The following CLVS1 variants were observed in gnomAD, a reference collection of about 807,000 sequenced individuals.
CLVS1 encodes the protein clavesin 1.
Under a neutral mutation model 33.1 loss-of-function variants are expected in CLVS1, and 10 were observed. The ratio of observed to expected loss-of-function variants is 0.30; its 90% confidence interval spans 0.19 to 0.51. The LOEUF (loss-of-function observed/expected upper bound fraction) is 0.51, where lower values mean the gene tolerates loss of function less well. Among genes scored for constraint, CLVS1 ranks in the 20% least tolerant of loss-of-function variants. The pLI is 0.97. For synonymous variants in CLVS1, 163 were observed against 166.1 expected (o/e 0.98, Z 0.14); for missense variants, 343 against 433.4 (o/e 0.79, Z 1.85).
the CLVS1 span, among the ~76,000 whole-genome samples, chr8:61,007,921 G>A: frequency 3.3e-5 from 5 of 152,194 alleles, no homozygotes; most frequent in African/African-American, 1.2e-4. Flanking sequence ...GGGCTTTGTG[G>A]AGGAAGCAGG....
At chr8:61,282,663 T>C (rs941577086) in intron 2 of CLVS1, among the ~76,000 whole-genome samples, 2 of 152,232 alleles carry the variant, frequency 1.3e-5, no homozygotes, top group Admixed American at 6.5e-5. Flanking sequence ...GCCATATTGC[T>C]TGAAAAGTTC....
chr8:61,386,266 C>T (rs1814079763), intron 3 of CLVS1, among the ~76,000 whole-genome samples: 1 of 152,196 alleles, frequency 6.6e-6, no homozygotes, highest in Admixed American at 6.5e-5. Context: ...GCATTTTCAA[C>T]AAATTCCCAG....
At chr8:61,144,556 CT>C (rs1173796189) in intron 2 of CLVS1, among the ~76,000 whole-genome samples, 1 of 151,924 alleles carries the variant, frequency 6.6e-6, no homozygotes, top group Non-Finnish European at 1.5e-5. Flanking sequence ...ATGTATAATC[CT>C]TTGGGTATAT....
chr8:60,994,441 C>G, the CLVS1 span, among the ~76,000 whole-genome samples: 1 of 152,188 alleles, frequency 6.6e-6, no homozygotes, highest in Admixed American at 6.5e-5. Context: ...ATTTGGTAAA[C>G]AGCAGTTAAA....
At chr8:61,270,990 A>C in intron 2 of CLVS1, among the ~76,000 whole-genome samples, 1 of 150,364 alleles carries the variant, frequency 6.7e-6, no homozygotes, top group Non-Finnish European at 1.5e-5. Flanking sequence ...AATTTTTTGA[A>C]GGGTTTTTTG....
intron 3 of CLVS1, among the ~76,000 whole-genome samples, chr8:61,386,610 CAGTCTAGTGTTCATGATATA>C (rs1486928714): frequency 6.4e-4 from 97 of 152,250 alleles, no homozygotes; most frequent in African/African-American, 7.9e-4. Context: ...GCTCAGGAGG[CAGTCTAGTGTTCATGATATA>C]AGTCTAGTGT....
intron 2 of CLVS1, among the ~76,000 whole-genome samples, chr8:61,245,427 T>G (rs1808785741): frequency 6.6e-6 from 1 of 152,130 alleles, no homozygotes; most frequent in Non-Finnish European, 1.5e-5. Flanking sequence ...ACTTGTGATC[T>G]GCCTGCCTGG....
intron 1 of CLVS1, among the ~76,000 whole-genome samples, chr8:61,078,924 G>T (rs1050267171): frequency 6.6e-6 from 1 of 152,126 alleles, no homozygotes; most frequent in African/African-American, 2.4e-5. Flanking sequence ...TAGCTGAAAA[G>T]TCAAATTATC....
intron 2 of CLVS1, among the ~76,000 whole-genome samples, chr8:61,323,649 T>C (rs940111873): frequency 4.7e-5 from 7 of 148,468 alleles, no homozygotes; most frequent in East Asian, 2.0e-4. Context: ...GAGCAGTAAC[T>C]CTTTTTTTTT....
chr8:61,226,936 G>T (rs903984745), intron 2 of CLVS1, among the ~76,000 whole-genome samples: 1 of 151,658 alleles, frequency 6.6e-6, no homozygotes, highest in African/African-American at 2.4e-5. Context: ...ATGATCCAGG[G>T]TTTCAGAATT....
chr8:61,164,742 C>T (rs908403056), intron 2 of CLVS1, among the ~76,000 whole-genome samples: 2 of 152,216 alleles, frequency 1.3e-5, no homozygotes, highest in African/African-American at 4.8e-5. Context: ...GGAATCCCCC[C>T]TCTTTCTGTG....
rs1804913495 is a variant in CLVS1 at position 61,501,412 on chromosome 8, T to TAAG, written c.*1871_*1873dup. ...ATTTTAAATACCATATTATATTTAC[T>TAAG]AAGTTAAGAGCTAGTTTTTACTCTC... On this transcript the variant is annotated 3_prime_UTR_variant, in exon 6 of 6. Transcript: ENST00000325897. 1 of 152,144 alleles carries TAAG rather than the reference T, an allele frequency of 6.6e-6. No homozygotes were observed. The highest frequency in any genetic ancestry group is 2.1e-4 in the South Asian group (1 of 4,836). The allele number at this position is 152,144 out of a possible 1,614,324, so 9.4% of individuals were successfully genotyped here.
intron 2 of CLVS1, among the ~76,000 whole-genome samples, chr8:61,245,128 T>A (rs1808779374): frequency 6.6e-6 from 1 of 152,190 alleles, no homozygotes; most frequent in Non-Finnish European, 1.5e-5. Flanking sequence ...GGCTTCCTTT[T>A]GATTAGCATT....
intron 2 of CLVS1, among the ~76,000 whole-genome samples, chr8:61,277,882 CA>C (rs199783447): frequency 7.4e-5 from 11 of 149,470 alleles, no homozygotes; most frequent in South Asian, 2.1e-4. Flanking sequence ...AGTGACAAGA[CA>C]AAAAAAAAGG....
the CLVS1 span, among the ~76,000 whole-genome samples, chr8:61,045,843 T>C: frequency 6.6e-6 from 1 of 152,214 alleles, no homozygotes; most frequent in South Asian, 2.1e-4. Context: ...TTTACGCTAA[T>C]AGACAACCAG....
intron 2 of CLVS1, among the ~76,000 whole-genome samples, chr8:61,159,696 G>A (rs746027539): frequency 4.6e-5 from 7 of 152,192 alleles, no homozygotes; most frequent in African/African-American, 1.7e-4. Flanking sequence ...TCAAGTCATG[G>A]ACCTAAATCA....
At chr8:61,230,340 T>C (rs905637845) in intron 2 of CLVS1, among the ~76,000 whole-genome samples, 1 of 152,194 alleles carries the variant, frequency 6.6e-6, no homozygotes, top group Non-Finnish European at 1.5e-5. Flanking sequence ...CAGTTCTAGA[T>C]CCTAGCTCTC....
At chr8:61,494,663 G>A (rs1804206959) in intron 5 of CLVS1, among the ~76,000 whole-genome samples, 1 of 147,404 alleles carries the variant, frequency 6.8e-6, no homozygotes, top group African/African-American at 2.5e-5. Context: ...ACATGTTTCA[G>A]TGAGCAGTTG....
At chr8:60,984,265 T>C in the CLVS1 span, among the ~76,000 whole-genome samples, 1 of 152,168 alleles carries the variant, frequency 6.6e-6, no homozygotes, top group Non-Finnish European at 1.5e-5. Flanking sequence ...CTGCTTGTCC[T>C]CACTTACAAA....
Sources: gnomAD v4.1 joint callset for allele counts (sites outside exome capture counted in the v4.1 genomes callset) on GRCh38, gnomAD v4.1.1 for gene constraint, MANE v1.5 for transcripts, NCBI Gene and HGNC (gene_info 2026-07-23, HGNC 2026-07-21) for gene names.